The following ERBB4 variants were observed in gnomAD, a reference collection of about 807,000 sequenced individuals.
ERBB4 encodes erb-b2 receptor tyrosine kinase 4.
ERBB4 carries 42 observed loss-of-function variants against 158.0 expected under a neutral mutation model. The ratio of observed to expected loss-of-function variants is 0.27; its 90% CI spans 0.21 to 0.34. The LOEUF (loss-of-function observed/expected upper bound fraction) is 0.34. Among genes scored for constraint, ERBB4 ranks in the 10% least tolerant of loss-of-function variants. ERBB4 has a pLI of 1.00. For missense variants in ERBB4, 1,333 were observed against 1,624.1 expected (o/e 0.82, Z 3.08); for synonymous variants, 583 against 558.7 (o/e 1.04, Z -0.61).
intron 2 of ERBB4, among the ~76,000 whole-genome samples, chr2:211,984,194 G>C (rs906804998): frequency 6.6e-6 from 1 of 152,046 alleles, no homozygotes; most frequent in Non-Finnish European, 1.5e-5. Flanking sequence ...GGTAATGAGA[G>C]CCCTTTCATA....
chr2:211,873,251 C>A (rs141049882), intron 3 of ERBB4, among the ~76,000 whole-genome samples: 2 of 152,150 alleles, frequency 1.3e-5, no homozygotes, highest in Admixed American at 6.5e-5. Context: ...AATACCTGAA[C>A]CTCCCATTGC....
chr2:212,172,439 G>T (rs1029189324), intron 1 of ERBB4, among the ~76,000 whole-genome samples: 3 of 152,080 alleles, frequency 2.0e-5, no homozygotes, highest in Non-Finnish European at 4.4e-5. Context: ...ACTATAAATT[G>T]TTCTATTATG....
chr2:211,600,102 G>A (rs1427449257), intron 19 of ERBB4, among the ~76,000 whole-genome samples: 2 of 152,140 alleles, frequency 1.3e-5, no homozygotes, highest in Non-Finnish European at 2.9e-5. Flanking sequence ...ATTATTGAAT[G>A]GCTGAAATTA....
At chr2:211,948,562 T>C (rs766332838) in intron 2 of ERBB4, among the ~76,000 whole-genome samples, 14 of 152,026 alleles carry the variant, frequency 9.2e-5, no homozygotes, top group Non-Finnish European at 1.6e-4. Context: ...ATTTGAGGGT[T>C]TGTGAGACAT....
intron 1 of ERBB4, among the ~76,000 whole-genome samples, chr2:212,268,720 T>C (rs1441080579): frequency 2.0e-5 from 3 of 151,816 alleles, no homozygotes; most frequent in African/African-American, 7.2e-5. Context: ...GGGGCTGTTT[T>C]CCAATAACAC....
intron 20 of ERBB4, among the ~76,000 whole-genome samples, chr2:211,438,650 A>G (rs146393899): frequency 7.9e-5 from 12 of 152,314 alleles, no homozygotes; most frequent in African/African-American, 2.9e-4. Flanking sequence ...AAAGGCAGCC[A>G]ATTGAAACAC....
At chr2:211,514,081 A>G (rs1027838672) in intron 20 of ERBB4, among the ~76,000 whole-genome samples, 1 of 152,088 alleles carries the variant, frequency 6.6e-6, no homozygotes. Context: ...TATTCTTTCT[A>G]TCTAACTGTA....
intron 1 of ERBB4, among the ~76,000 whole-genome samples, chr2:212,347,794 T>C (rs1269554871): frequency 6.6e-6 from 1 of 152,118 alleles, no homozygotes; most frequent in African/African-American, 2.4e-5. Context: ...TAACTGTCCA[T>C]TTATTAATTT....
At chr2:211,977,539 A>AAAAAAAAAAG (rs2081646645) in intron 2 of ERBB4, among the ~76,000 whole-genome samples, 1 of 147,456 alleles carries the variant, frequency 6.8e-6, no homozygotes, top group South Asian at 2.2e-4. Context: ...TTTAAAAAAA[A>AAAAAAAAAAG]AAAAAAAAAG....
At chr2:211,409,203 A>G (rs1371669462) in intron 25 of ERBB4, among the ~76,000 whole-genome samples, 3 of 152,166 alleles carry the variant, frequency 2.0e-5, no homozygotes, top group Non-Finnish European at 2.9e-5. Context: ...GAAAGCATAG[A>G]CAAATCAGTA....
intron 1 of ERBB4, among the ~76,000 whole-genome samples, chr2:212,331,039 T>G (rs1452782575): frequency 1.5e-5 from 2 of 131,382 alleles, no homozygotes; most frequent in Non-Finnish European, 3.3e-5. Flanking sequence ...TATCAGTAAG[T>G]TTCCCATATT....
intron 2 of ERBB4, among the ~76,000 whole-genome samples, chr2:211,951,588 T>C (rs2080877253): frequency 6.6e-6 from 1 of 152,170 alleles, no homozygotes; most frequent in East Asian, 1.9e-4. Flanking sequence ...TTTACATACT[T>C]CTCATTTCAG....
At chr2:211,774,906 A>G (rs2075834665) in intron 4 of ERBB4, among the ~76,000 whole-genome samples, 1 of 152,162 alleles carries the variant, frequency 6.6e-6, no homozygotes. Context: ...GCTTCTGTTA[A>G]GTAATAGATT....
At chr2:212,375,376 G>T (rs750326387) in intron 1 of ERBB4, among the ~76,000 whole-genome samples, 12 of 152,196 alleles carry the variant, frequency 7.9e-5, no homozygotes, top group Non-Finnish European at 1.6e-4. Context: ...ATCTAATGAA[G>T]AACAGTTACT....
At chr2:212,361,925 G>A (rs1560114073) in intron 1 of ERBB4, among the ~76,000 whole-genome samples, 2 of 151,516 alleles carry the variant, frequency 1.3e-5, no homozygotes, top group African/African-American at 4.8e-5. Context: ...CATTTTAATA[G>A]ACAATATAAT....
intron 2 of ERBB4, among the ~76,000 whole-genome samples, chr2:212,086,184 A>G (rs538962818): frequency 1.4e-4 from 22 of 152,116 alleles, no homozygotes; most frequent in African/African-American, 4.1e-4. Flanking sequence ...TATAAGCATA[A>G]AAGTGATTGG....
At chr2:212,245,001 A>G (rs1245594424) in intron 1 of ERBB4, among the ~76,000 whole-genome samples, 2 of 152,138 alleles carry the variant, frequency 1.3e-5, no homozygotes, top group Non-Finnish European at 2.9e-5. Flanking sequence ...CCAATGTTAT[A>G]CAAGTGCAGA....
chr2:211,746,362 G>A (rs2106197585), intron 5 of ERBB4, among the ~76,000 whole-genome samples: 1 of 152,302 alleles, frequency 6.6e-6, no homozygotes, highest in African/African-American at 2.4e-5. Flanking sequence ...TAGGCTTTGT[G>A]GAGTAAGCAC....
rs571352296 is a variant in ERBB4 at position 212,344,655 on chromosome 2, C to T, written c.82+193794G>A. On this transcript the variant is annotated intron_variant, in intron 1 of 27. Coordinates refer to ENST00000342788, the MANE Select transcript of ERBB4 (RefSeq NM_005235.3). The stretch of plus-strand genomic sequence containing the variant: ...CTATCAATGCATCAGGTAATAGAAA[C>T]CACACCTTATTTCAACTCTAAAAGT... Among the ~76,000 whole-genome samples, 70 of 151,916 alleles carry T rather than the reference C, an allele frequency of 4.6e-4. 1 individual carries two copies. The highest frequency in any genetic ancestry group is 8.2e-4 in the Non-Finnish European group (56 of 67,978).
Sources: allele counts gnomAD v4.1 joint callset (sites outside exome capture counted in the v4.1 genomes callset), GRCh38; gene constraint gnomAD v4.1.1; transcripts MANE v1.5; gene names NCBI Gene and HGNC (gene_info 2026-07-23, HGNC 2026-07-21).